The following LAMA4 variants were observed in gnomAD, a reference collection of about 807,000 sequenced individuals.
LAMA4 encodes laminin subunit alpha-4.
In LAMA4, 127 loss-of-function variants were observed where a neutral mutation model predicts 207.1. That is an observed-to-expected ratio of 0.61 (90% CI 0.53 to 0.71). The LOEUF (loss-of-function observed/expected upper bound fraction) is 0.71, where lower values mean the gene tolerates loss of function less well. Among genes scored for constraint, LAMA4 ranks in the 30% least tolerant of loss-of-function variants. The pLI is 0.00. For synonymous variants in LAMA4, 761 were observed against 816.0 expected, an observed-to-expected ratio of 0.93 and a Z score of 1.15; for missense variants, 2,093 against 2,246.5, an observed-to-expected ratio of 0.93 and a Z score of 1.38.
At chr6:112,111,051 A>ATTG (rs1777662515) in intron 38 of LAMA4, among the ~76,000 whole-genome samples, 1 of 152,062 alleles carries the variant, frequency 6.6e-6, no homozygotes, top group African/African-American at 2.4e-5. Context: ...TATTATTATT[A>ATTG]TTATTTTGAG....
chr6:112,225,703 A>C (rs1785173212), intron 2 of LAMA4, among the ~76,000 whole-genome samples: 1 of 152,202 alleles, frequency 6.6e-6, no homozygotes, highest in South Asian at 2.1e-4. Context: ...GGAGTTCTCC[A>C]AATGTAGTAA....
At chr6:112,111,248 T>C (rs1452911863) in intron 38 of LAMA4, among the ~76,000 whole-genome samples, 1 of 152,178 alleles carries the variant, frequency 6.6e-6, no homozygotes, top group Non-Finnish European at 1.5e-5. Context: ...TTTGCCATGT[T>C]GGCCAGGCTG....
rs559743615 is a variant in LAMA4 at position 112,195,485 on chromosome 6, T to G, written c.504-3635A>C. Among the ~76,000 whole-genome samples the G allele has an allele frequency of 2.1e-4, 32 of 152,306 alleles. 1 individual carries two copies. The South Asian group carries it at 6.6e-3, about 32-fold the overall frequency. On this transcript the variant is annotated intron_variant, in intron 5 of 38. Coordinates refer to ENST00000230538, the MANE Select transcript of LAMA4 (RefSeq NM_001105206.3). Reference sequence around the variant, plus strand: ...ATCCCCGCATCACAGTAAACCTCAATAAAGGTTAGCTTTCTCTTGTTCTTC... The same window carrying G: ...ATCCCCGCATCACAGTAAACCTCAAGAAAGGTTAGCTTTCTCTTGTTCTTC...
chr6:112,122,951 G>A (rs1486727405), intron 31 of LAMA4, among the ~76,000 whole-genome samples: 3 of 152,192 alleles, frequency 2.0e-5, no homozygotes, highest in African/African-American at 4.8e-5. Context: ...CATGCCTCCC[G>A]TGGGTGGCAT....
intron 2 of LAMA4, chr6:112,253,554 C>T (rs1401193774): frequency 8.7e-6 from 5 of 574,510 alleles, no homozygotes; most frequent in Non-Finnish European, 1.6e-5. Context: ...AGTGTTCCCA[C>T]TGTCCTAACA....
chr6:112,221,716 T>C (rs1425152964), intron 2 of LAMA4, among the ~76,000 whole-genome samples: 1 of 151,476 alleles, frequency 6.6e-6, no homozygotes, highest in Non-Finnish European at 1.5e-5. Context: ...GAGCTAAAAC[T>C]GTGTGCCCTT....
At chr6:112,189,485 A>G (rs901207218) in intron 6 of LAMA4, among the ~76,000 whole-genome samples, 8 of 152,214 alleles carry the variant, frequency 5.3e-5, no homozygotes, top group African/African-American at 1.9e-4. Flanking sequence ...CTGACATGAC[A>G]GTGCAATTGC....
chr6:112,134,398 G>A, intron 26 of LAMA4, 69 bp downstream of exon 26: 1 of 1,501,574 alleles, frequency 6.7e-7, no homozygotes, highest in Non-Finnish European at 9.3e-7. Context: ...ACTGTTACTA[G>A]ACCTCTCCTG....
rs368746644 is a variant in LAMA4, at chr6:112,165,280, C to A, written c.1552-4G>T. The A allele has an allele frequency of 1.3e-6, 2 of 1,588,380 alleles. No homozygotes were observed. The highest frequency in any genetic ancestry group is 1.7e-6 in the Non-Finnish European group (2 of 1,156,624). ...CCCTCACTCTTTCCTGTTGTTTCTG[C>A]GGGAAGGAAGAGTAAGGGAGAGTGA... is the stretch of plus-strand genomic sequence containing the variant. On this transcript the variant is annotated splice_region_variant and splice_polypyrimidine_tract_variant and intron_variant, in intron 12 of 38. Transcript: ENST00000230538.
chr6:112,187,660 T>C, intron 7 of LAMA4, 59 bp from the exon 8 acceptor site: 1 of 1,533,606 alleles, frequency 6.5e-7, no homozygotes. Flanking sequence ...GGCAGGCCGT[T>C]TTAGCAGAAC....
At chr6:112,170,148 T>C (rs1299942964) in intron 12 of LAMA4, among the ~76,000 whole-genome samples, 3 of 152,262 alleles carry the variant, frequency 2.0e-5, no homozygotes, top group Admixed American at 6.5e-5. Flanking sequence ...TTGGCTGAGA[T>C]CGAGAACTCA....
In LAMA4 at chr6:112,136,252, A is replaced by G; in HGVS notation, c.3285T>C (p.Ser1095=). 6.2e-7 allele frequency: 1 copy of G among 1,610,384 alleles called. No homozygotes were observed. The change falls in exon 25 of 39, where the codon AGT becomes AGC. Residue 1095 remains serine (S), a splice_region_variant and synonymous_variant. Transcript: ENST00000230538. ...NGLILLMVNG[S]MFFRLEMRNG... is the part of the protein sequence containing the mutation. ...TGCGCATTTCCAGTCTGAAAAACAT[A>G]CTCTGAGGAGAGAAAGGAATTGTAA...
At chr6:112,159,364 C>T (rs1780919490) in intron 13 of LAMA4, 1 of 169,154 alleles carries the variant, frequency 5.9e-6, no homozygotes, top group Non-Finnish European at 1.3e-5. Context: ...TAATGGACAT[C>T]ATTCAGTTTT....
At chr6:112,226,054 A>G (rs1785190345) in intron 2 of LAMA4, among the ~76,000 whole-genome samples, 1 of 152,070 alleles carries the variant, frequency 6.6e-6, no homozygotes, top group Non-Finnish European at 1.5e-5. Context: ...AAATACTACC[A>G]AGGAGATTCT....
Position 112,187,185 on chromosome 6 carries a change from T to C in LAMA4, c.966+265A>G, listed in dbSNP as rs532840211. On this transcript the variant is annotated intron_variant, in intron 8 of 38. Transcript: ENST00000230538. Reference sequence around the variant, plus strand: ...TCTCTTTCCTCAGTAGTTTTGGGCATAGATACTAGTCTTTTAGTCATTTCA... The same window carrying C: ...TCTCTTTCCTCAGTAGTTTTGGGCACAGATACTAGTCTTTTAGTCATTTCA... 360 of 546,996 alleles carry C rather than the reference T, an allele frequency of 6.6e-4. 4 individuals carry two copies. The South Asian group carries it at 6.6e-3, about 10-fold the overall frequency. 33.9% of individuals were successfully genotyped at this position (546,996 alleles called of 1,614,324 possible). A position where few individuals can be genotyped will look rare whatever the true frequency, so the allele number is the denominator to read the frequency against.
At chr6:112,147,389 C>CAT (rs1258056471) in intron 18 of LAMA4, among the ~76,000 whole-genome samples, 25 of 152,076 alleles carry the variant, frequency 1.6e-4, no homozygotes, top group African/African-American at 5.3e-4. Flanking sequence ...ACTGACAGAT[C>CAT]ATATATGGAT....
At position 112,117,394 on chromosome 6, in the gene LAMA4, G is replaced by T. The variant is rs1186951731; in HGVS notation, c.4981+345C>A. Among the ~76,000 whole-genome samples the T allele has an allele frequency of 6.6e-6, 1 of 152,146 alleles. No individual in the cohort carries two copies. The highest frequency in any genetic ancestry group is 1.5e-5 in the Non-Finnish European group (1 of 68,020). On this transcript the variant is annotated intron_variant, in intron 35 of 38. Coordinates refer to ENST00000230538, the MANE Select transcript of LAMA4 (RefSeq NM_001105206.3). The surrounding 1 kb of genome is among the most constrained non-coding windows in gnomAD (Gnocchi z 4.5). ...TGGGACTTCCTTTAGTAGGACAATGGTTCATGCCAAGAAGGAGCAGAGCAA... is the reference window on the plus strand; with the variant it reads ...TGGGACTTCCTTTAGTAGGACAATGTTTCATGCCAAGAAGGAGCAGAGCAA...
chr6:112,179,814 G>T (rs1782240120), intron 9 of LAMA4: 1 of 442,618 alleles, frequency 2.3e-6, no homozygotes, highest in South Asian at 1.8e-5. Context: ...GGCTCCTGTA[G>T]TCACAGAGCC....
intron 2 of LAMA4, among the ~76,000 whole-genome samples, chr6:112,242,091 C>A (rs1786559838): frequency 6.6e-6 from 1 of 152,226 alleles, no homozygotes; most frequent in African/African-American, 2.4e-5. Flanking sequence ...TGCTCTACTT[C>A]CTTCAAGGAC....
Sources: allele counts gnomAD v4.1 joint callset (sites outside exome capture counted in the v4.1 genomes callset), GRCh38; gene constraint gnomAD v4.1.1; non-coding constraint Gnocchi (gnomAD v3.1); transcripts MANE v1.5; gene names NCBI Gene and HGNC (gene_info 2026-07-23, HGNC 2026-07-21).